TRPM3: variants seen among roughly 807,000 people sequenced by gnomAD.
TRPM3 encodes the protein transient receptor potential cation channel subfamily M member 3.
In TRPM3, 77 loss-of-function variants were observed where a neutral mutation model predicts 181.2. The ratio of observed to expected loss-of-function variants is 0.42; its 90% CI spans 0.35 to 0.51. The LOEUF (loss-of-function observed/expected upper bound fraction) is 0.51. TRPM3 is among the 20% of genes least tolerant of loss of function. The pLI is 0.01. For missense variants in TRPM3, 1,759 were observed against 2,196.7 expected (o/e 0.80, Z 3.98); for synonymous variants, 745 against 796.4 (o/e 0.94, Z 1.09).
chr9:71,127,315 A>ACACACACACACACACACACACC lies in TRPM3; in HGVS notation c.184-262805_184-262804insGGTGTGTGTGTGTGTGTGTGTG, dbSNP rs755435076. ...AAAACACACACACACACACACACAC[A>ACACACACACACACACACACACC]CCCCTGAACTGATGTGAGTAATTTA... On this transcript the variant is annotated intron_variant, in intron 1 of 24. Coordinates refer to the TRPM3 transcript ENST00000357533. Among the ~76,000 whole-genome samples the ACACACACACACACACACACACC allele has an allele frequency of 7.3e-3, 1,110 of 151,638 alleles. 9 individuals are homozygous for ACACACACACACACACACACACC. The highest frequency in any genetic ancestry group is 0.012 in the Non-Finnish European group (842 of 67,868).
At chr9:70,761,543 A>G in intron 8 of TRPM3, 58 bp downstream of exon 8, 5 of 1,612,802 alleles carry the variant, frequency 3.1e-6, no homozygotes, top group Non-Finnish European at 4.2e-6. Context: ...ATGTTGTGTG[A>G]TTCAAGAAAA....
chr9:70,776,356 T>G, intron 7 of TRPM3: 1 of 661,552 alleles, frequency 1.5e-6, no homozygotes, highest in Non-Finnish European at 2.7e-6. Context: ...CTTCCAATGC[T>G]GGCCCCTGGA....
chr9:70,843,267 T>G, intron 4 of TRPM3, 140 bp from the exon 5 acceptor site: 1 of 875,914 alleles, frequency 1.1e-6, no homozygotes, highest in Middle Eastern at 3.4e-4. Context: ...TACAAACTAC[T>G]TGTATTTAGG....
intron 1 of TRPM3, among the ~76,000 whole-genome samples, chr9:71,419,026 G>A (rs966964275): frequency 6.6e-6 from 1 of 150,558 alleles, no homozygotes; most frequent in African/African-American, 2.4e-5. Flanking sequence ...ACTTCAAGAG[G>A]AACTGTGAAA....
intron 9 of TRPM3, among the ~76,000 whole-genome samples, chr9:70,676,782 C>T (rs928503945): frequency 3.9e-5 from 6 of 152,220 alleles, no homozygotes; most frequent in Admixed American, 2.0e-4. Context: ...GACTCAGAAG[C>T]GAAGTTTCTC....
At chr9:70,752,685 C>A (rs528096099) in intron 8 of TRPM3, among the ~76,000 whole-genome samples, 1 of 152,108 alleles carries the variant, frequency 6.6e-6, no homozygotes, top group African/African-American at 2.4e-5. Context: ...ACACAAATAC[C>A]TAACATTGTG....
At position 71,045,989 on chromosome 9, in the gene TRPM3, CT is replaced by C. The variant is rs141410620; in HGVS notation, c.177+75188del. On this transcript the variant is annotated intron_variant, in intron 1 of 25. Coordinates refer to ENST00000677713, the MANE Select transcript of TRPM3 (RefSeq NM_001366145.2). ...TCTACAGCCAGTGGTATTGCCTACA[CT>C]TTTTTTTTTTTTGAGATGGAGCCTC... Among the ~76,000 whole-genome samples, 874 of 145,216 alleles carry C rather than the reference CT, an allele frequency of 6.0e-3. 18 individuals are homozygous for C. The East Asian group carries it at 0.081, about 13-fold the overall frequency.
At chr9:70,760,250 A>T (rs1338772994) in intron 8 of TRPM3, among the ~76,000 whole-genome samples, 1 of 151,676 alleles carries the variant, frequency 6.6e-6, no homozygotes, top group Non-Finnish European at 1.5e-5. Flanking sequence ...GCTGAAATGT[A>T]TAGTCCTGGT....
At chr9:71,254,081 G>A (rs958344386) in intron 1 of TRPM3, among the ~76,000 whole-genome samples, 7 of 151,948 alleles carry the variant, frequency 4.6e-5, no homozygotes, top group Non-Finnish European at 5.9e-5. Flanking sequence ...CACCATGCCC[G>A]GCTAATTTTT....
intron 1 of TRPM3, among the ~76,000 whole-genome samples, chr9:71,075,071 C>A (rs547463913): frequency 6.6e-6 from 1 of 152,068 alleles, no homozygotes; most frequent in Non-Finnish European, 1.5e-5. Flanking sequence ...AAGTCATTGA[C>A]TTCTAGTCAT....
intron 1 of TRPM3, among the ~76,000 whole-genome samples, chr9:71,299,182 A>C (rs2086559552): frequency 6.6e-6 from 1 of 152,182 alleles, no homozygotes; most frequent in Non-Finnish European, 1.5e-5. Flanking sequence ...GCAACTGACT[A>C]GGTGAAATAC....
intron 1 of TRPM3, among the ~76,000 whole-genome samples, chr9:71,237,948 T>G (rs533426620): frequency 6.6e-6 from 1 of 152,128 alleles, no homozygotes; most frequent in Non-Finnish European, 1.5e-5. Flanking sequence ...CATTCCTTCA[T>G]AAAGGCCCTA....
At chr9:71,044,734 C>T (rs1395037306) in intron 1 of TRPM3, among the ~76,000 whole-genome samples, 1 of 152,066 alleles carries the variant, frequency 6.6e-6, no homozygotes, top group Non-Finnish European at 1.5e-5. Context: ...TGCAGTGGCG[C>T]GGCCTCGGCT....
chr9:70,860,335 G>T (rs1461895903), intron 3 of TRPM3, among the ~76,000 whole-genome samples: 1 of 152,138 alleles, frequency 6.6e-6, no homozygotes, highest in Non-Finnish European at 1.5e-5. Context: ...CATCTTAATC[G>T]CAAAGCCTCT....
chr9:70,753,862 G>T (rs564026568), intron 8 of TRPM3, among the ~76,000 whole-genome samples: 1 of 152,106 alleles, frequency 6.6e-6, no homozygotes, highest in Admixed American at 6.5e-5. Context: ...CTGATTGGAC[G>T]CTAGGAGGTC....
chr9:70,533,589 CA>C lies in TRPM3; in HGVS notation c.*2363del, dbSNP rs2041186960. The C allele has an allele frequency of 6.6e-6, 1 of 151,774 alleles. No homozygotes were observed. The highest frequency in any genetic ancestry group is 2.4e-5 in the African/African-American group (1 of 41,218). The allele number at this position is 151,774 out of a possible 1,614,324, so 9.4% of individuals were successfully genotyped here. ...TTATATTGCAACTTTGCATTATGTA[CA>C]TTTTTTTTTTCTTTCTGGAGAGAGA... On this transcript the variant is annotated 3_prime_UTR_variant, in exon 26 of 26. Transcript: ENST00000677713.
At chr9:71,113,475 G>C (rs1341373209) in intron 1 of TRPM3, among the ~76,000 whole-genome samples, 3 of 152,154 alleles carry the variant, frequency 2.0e-5, no homozygotes, top group Non-Finnish European at 2.9e-5. Context: ...GATTAGGGCA[G>C]CAGTTAGACT....
chr9:70,558,892 G>T (rs1016220218), intron 22 of TRPM3, among the ~76,000 whole-genome samples: 1 of 152,162 alleles, frequency 6.6e-6, no homozygotes, highest in Admixed American at 6.6e-5. Flanking sequence ...CATGGCAGAA[G>T]CCTGGAAATG....
In TRPM3 at chr9:70,866,587, T is replaced by A. The variant is rs770247100; in HGVS notation, c.178-2076A>T. Among the ~76,000 whole-genome samples, 118 of 152,090 alleles carry A rather than the reference T, an allele frequency of 7.8e-4. 1 individual carries two copies. Among genetic ancestry groups the A allele is most frequent in the Non-Finnish European group, 1.3e-3 (87 of 67,986 alleles). ...AGAGAGACCTGTCCAGGGTTGATTC[T>A]GGTACTAAAAGTTCAGATGAAGGCT... On this transcript the variant is annotated intron_variant, in intron 1 of 25. Coordinates refer to ENST00000677713, the MANE Select transcript of TRPM3 (RefSeq NM_001366145.2).
Sources: gnomAD v4.1 joint callset for allele counts (sites outside exome capture counted in the v4.1 genomes callset) on GRCh38, gnomAD v4.1.1 for gene constraint, MANE v1.5 for transcripts, NCBI Gene and HGNC (gene_info 2026-07-23, HGNC 2026-07-21) for gene names.